The following CDH13 variants were observed in gnomAD, a reference collection of about 807,000 sequenced individuals.
CDH13 encodes cadherin 13, also known as cadherin-13.
CDH13 carries 24 observed loss-of-function variants against 63.8 expected under a neutral mutation model. That is an observed-to-expected ratio of 0.38 (90% CI 0.27 to 0.53). The LOEUF is 0.53. Ranked by LOEUF, CDH13 falls within the 20% of genes least tolerant of loss-of-function variation. The pLI, the probability that CDH13 is intolerant of heterozygous loss-of-function variation, is 0.85. For missense variants in CDH13, 1,049 were observed against 903.1 expected (o/e 1.16, Z -2.07); for synonymous variants, 503 against 355.3 (o/e 1.42, Z -4.67).
At chr16:83,624,011 T>C (rs1313284455) in intron 8 of CDH13, among the ~76,000 whole-genome samples, 1 of 152,178 alleles carries the variant, frequency 6.6e-6, no homozygotes, top group Non-Finnish European at 1.5e-5. Context: ...GCATTGGTAC[T>C]CATCACTGGG....
intron 4 of CDH13, among the ~76,000 whole-genome samples, chr16:83,174,108 C>A (rs918580436): frequency 6.6e-6 from 1 of 152,120 alleles, no homozygotes; most frequent in African/African-American, 2.4e-5. Context: ...GAAGTCTGTC[C>A]TGTGGTATCC....
chr16:83,404,709 C>T (rs1475161594), intron 6 of CDH13, among the ~76,000 whole-genome samples: 1 of 152,232 alleles, frequency 6.6e-6, no homozygotes, highest in Non-Finnish European at 1.5e-5. Flanking sequence ...TTCCCCAGAA[C>T]AGCCACTGTG....
chr16:83,528,297 T>A (rs577381375), intron 7 of CDH13, among the ~76,000 whole-genome samples: 4 of 152,354 alleles, frequency 2.6e-5, no homozygotes, highest in Non-Finnish European at 4.4e-5. Flanking sequence ...TTGATCACAT[T>A]TTAAATGGGA....
intron 7 of CDH13, among the ~76,000 whole-genome samples, chr16:83,557,038 C>T (rs780002758): frequency 3.1e-4 from 47 of 152,212 alleles, no homozygotes; most frequent in Non-Finnish European, 5.3e-4. Context: ...GCGAACGAAG[C>T]TTCATCTGTG....
intron 2 of CDH13, among the ~76,000 whole-genome samples, chr16:82,987,238 C>T (rs1911056186): frequency 6.6e-6 from 1 of 152,160 alleles, no homozygotes; most frequent in African/African-American, 2.4e-5. Flanking sequence ...CTGCTGTATC[C>T]CTTAAACTCG....
intron 4 of CDH13, among the ~76,000 whole-genome samples, chr16:83,216,427 T>TATATATATATAAATATATATATAA: frequency 2.2e-5 from 1 of 45,070 alleles, no homozygotes; most frequent in Non-Finnish European, 5.0e-5. Context: ...TATATATATA[T>TATATATATATAAATATATATATAA]ATATATATAT....
chr16:83,627,564 T>C (rs943185112), intron 8 of CDH13, among the ~76,000 whole-genome samples: 1 of 152,168 alleles, frequency 6.6e-6, no homozygotes, highest in African/African-American at 2.4e-5. Context: ...TTTTGTTTTG[T>C]TTTTTAGACA....
chr16:83,612,165 T>A (rs1405185611), intron 8 of CDH13, among the ~76,000 whole-genome samples: 14 of 152,224 alleles, frequency 9.2e-5, no homozygotes, highest in South Asian at 2.1e-4. Context: ...ATTAAATTTT[T>A]AAAAACTTAA....
intron 10 of CDH13, among the ~76,000 whole-genome samples, chr16:83,722,159 C>G (rs1377132094): frequency 1.3e-5 from 2 of 152,128 alleles, no homozygotes; most frequent in African/African-American, 4.8e-5. Flanking sequence ...GTATTCAAAT[C>G]CCAACTTCGC....
chr16:83,356,211 C>CGTGTGTGT (rs2091050954), intron 6 of CDH13, among the ~76,000 whole-genome samples: 2 of 60,788 alleles, frequency 3.3e-5, no homozygotes, highest in South Asian at 5.5e-4. Flanking sequence ...TATTTATTTT[C>CGTGTGTGT]ATGTGTGTGT....
At chr16:82,791,500 C>T (rs891160015) in intron 1 of CDH13, among the ~76,000 whole-genome samples, 1 of 152,176 alleles carries the variant, frequency 6.6e-6, no homozygotes. Flanking sequence ...GGTCCCCTCC[C>T]ATTGTATGGG....
chr16:83,238,289 T>G (rs1904281013), intron 5 of CDH13, among the ~76,000 whole-genome samples: 1 of 151,466 alleles, frequency 6.6e-6, no homozygotes, highest in South Asian at 2.1e-4. Flanking sequence ...CCAATCATGG[T>G]GGAAGGAAGG....
At chr16:82,900,947 A>G (rs1185880065) in intron 2 of CDH13, among the ~76,000 whole-genome samples, 2 of 152,214 alleles carry the variant, frequency 1.3e-5, no homozygotes, top group Non-Finnish European at 2.9e-5. Flanking sequence ...TGGGGCCTTC[A>G]TGGATAAAGG....
intron 8 of CDH13, among the ~76,000 whole-genome samples, chr16:83,651,192 T>C (rs1299242479): frequency 6.6e-6 from 1 of 152,180 alleles, no homozygotes; most frequent in African/African-American, 2.4e-5. Flanking sequence ...GGGGACTTTC[T>C]ATTGGTAGGA....
At chr16:82,747,607 A>C (rs8046098) in intron 1 of CDH13, among the ~76,000 whole-genome samples, 39,769 of 152,056 alleles carry the variant, frequency 0.26, 5,869 homozygotes, top group South Asian at 0.38. Flanking sequence ...GTTTAACGAG[A>C]CCTTCAAGTA....
chr16:83,050,861 G>A (rs1014762919), intron 3 of CDH13, among the ~76,000 whole-genome samples: 3 of 151,980 alleles, frequency 2.0e-5, no homozygotes, highest in South Asian at 4.2e-4. Flanking sequence ...TGCCATCCTC[G>A]TCTTCCCATG....
At chr16:83,710,749 G>A (rs141386223) in intron 10 of CDH13, among the ~76,000 whole-genome samples, 10 of 152,250 alleles carry the variant, frequency 6.6e-5, no homozygotes, top group South Asian at 2.1e-4. Context: ...TGTGTGAAGC[G>A]CTTAGCACCG....
At chr16:83,085,997 A>C (rs781729168) in intron 3 of CDH13, among the ~76,000 whole-genome samples, 3 of 152,218 alleles carry the variant, frequency 2.0e-5, no homozygotes, top group Non-Finnish European at 4.4e-5. Context: ...TATTTGTCTC[A>C]AATCAGCACA....
chr16:82,942,156 A>C (rs1904295486), intron 2 of CDH13, among the ~76,000 whole-genome samples: 1 of 152,106 alleles, frequency 6.6e-6, no homozygotes, highest in South Asian at 2.1e-4. Context: ...GTTTTCTAAA[A>C]GCTTGCTTTT....
Sources: allele counts gnomAD v4.1 joint callset (sites outside exome capture counted in the v4.1 genomes callset), GRCh38; gene constraint gnomAD v4.1.1; transcripts MANE v1.5; gene names NCBI Gene and HGNC (gene_info 2026-07-23, HGNC 2026-07-21).